The following MACROD2 variants were observed in gnomAD, a reference collection of about 807,000 sequenced individuals.
MACROD2 encodes the protein mono-ADP ribosylhydrolase 2, also known as ADP-ribose glycohydrolase MACROD2.
A neutral mutation model predicts 70.4 loss-of-function variants in MACROD2; 36 were observed. The ratio of observed to expected loss-of-function variants is 0.51; its 90% CI spans 0.39 to 0.68. The LOEUF (loss-of-function observed/expected upper bound fraction) is 0.68. MACROD2 is among the 30% of genes least tolerant of loss of function. The probability of loss-of-function intolerance (pLI) is 0.00; values close to 1 mark genes in which losing one functional copy is unlikely to be tolerated. For synonymous variants in MACROD2, 172 were observed against 178.8 expected (o/e 0.96, Z 0.30); for missense variants, 496 against 538.4 (o/e 0.92, Z 0.78).
chr20:15,453,810 G>T (rs2046677588), intron 7 of MACROD2, among the ~76,000 whole-genome samples: 1 of 152,122 alleles, frequency 6.6e-6, no homozygotes, highest in African/African-American at 2.4e-5. Flanking sequence ...CCCAGCAAGT[G>T]TCTGGTCTGA....
intron 4 of MACROD2, among the ~76,000 whole-genome samples, chr20:14,556,543 G>A (rs1333455176): frequency 6.6e-6 from 1 of 151,952 alleles, no homozygotes; most frequent in African/African-American, 2.4e-5. Flanking sequence ...AAAATTTTTG[G>A]CAGTATCTGC....
At chr20:14,894,884 C>T (rs2073809512) in intron 5 of MACROD2, 1 of 152,082 alleles carries the variant, frequency 6.6e-6, no homozygotes, top group Non-Finnish European at 1.5e-5. Context: ...AATATATTAA[C>T]ATGTTTGGGA....
intron 8 of MACROD2, among the ~76,000 whole-genome samples, chr20:15,681,902 T>C (rs976371922): frequency 6.6e-6 from 1 of 152,202 alleles, no homozygotes; most frequent in Non-Finnish European, 1.5e-5. Flanking sequence ...TTAGACATTA[T>C]TTTGTACCTT....
chr20:14,782,018 G>C (rs1366112926), intron 5 of MACROD2, among the ~76,000 whole-genome samples: 3 of 151,836 alleles, frequency 2.0e-5, no homozygotes, highest in African/African-American at 7.3e-5. Flanking sequence ...CCGCCTCCCG[G>C]GTTCAAGTGA....
intron 8 of MACROD2, among the ~76,000 whole-genome samples, chr20:15,594,997 T>G (rs1355288207): frequency 6.6e-6 from 1 of 152,232 alleles, no homozygotes; most frequent in Non-Finnish European, 1.5e-5. Flanking sequence ...TTCCAAACAT[T>G]ACTTCATTGT....
At chr20:14,449,045 G>A (rs755746485) in intron 3 of MACROD2, among the ~76,000 whole-genome samples, 1 of 152,038 alleles carries the variant, frequency 6.6e-6, no homozygotes, top group Non-Finnish European at 1.5e-5. Flanking sequence ...GGTTCTAGTT[G>A]AAGAAACTGA....
At chr20:14,700,417 TA>T (rs1478379392) in intron 5 of MACROD2, among the ~76,000 whole-genome samples, 2 of 151,614 alleles carry the variant, frequency 1.3e-5, no homozygotes, top group Admixed American at 1.3e-4. Context: ...TAGCAAAAGG[TA>T]AAAAAAAGTT....
chr20:14,726,745 T>A (rs2071534777), intron 5 of MACROD2, among the ~76,000 whole-genome samples: 2 of 151,624 alleles, frequency 1.3e-5, no homozygotes, highest in Admixed American at 6.6e-5. Flanking sequence ...AAGTAGGGAT[T>A]CAAACCCAGG....
intron 4 of MACROD2, among the ~76,000 whole-genome samples, chr20:14,582,146 C>T (rs6042798): frequency 0.26 from 38,902 of 151,966 alleles, 5,311 homozygotes; most frequent in African/African-American, 0.29. Context: ...TGCACAAGTC[C>T]TCATCTCAAG....
intron 6 of MACROD2, among the ~76,000 whole-genome samples, chr20:15,349,528 G>C (rs545337797): frequency 2.6e-5 from 4 of 152,082 alleles, no homozygotes; most frequent in Non-Finnish European, 5.9e-5. Context: ...AGGCCAAGGT[G>C]GGTGGATCAC....
chr20:14,786,025 A>G (rs2072366603), intron 5 of MACROD2, among the ~76,000 whole-genome samples: 1 of 152,120 alleles, frequency 6.6e-6, no homozygotes, highest in African/African-American at 2.4e-5. Context: ...TATTATAAAA[A>G]GAAGGGAAGA....
intron 3 of MACROD2, among the ~76,000 whole-genome samples, chr20:14,215,337 T>TACACACACACACACACAC (rs199684417): frequency 1.5e-5 from 2 of 131,044 alleles, no homozygotes; most frequent in African/African-American, 2.9e-5. Context: ...CCATCATATA[T>TACACACACACACACACAC]ACACACACAC....
intron 8 of MACROD2, among the ~76,000 whole-genome samples, chr20:15,509,624 G>A (rs1855798633): frequency 1.3e-5 from 2 of 152,338 alleles, no homozygotes; most frequent in South Asian, 2.1e-4. Context: ...GGGAATTGTG[G>A]CTCCTAGAAG....
chr20:15,801,201 A>AGG (rs1555781108), intron 8 of MACROD2, among the ~76,000 whole-genome samples: 155 of 98,196 alleles, frequency 1.6e-3, no homozygotes, highest in African/African-American at 5.4e-3. Context: ...AAAAAAAAAA[A>AGG]AAACGAAAAA....
intron 5 of MACROD2, among the ~76,000 whole-genome samples, chr20:15,188,758 GT>G (rs1354567023): frequency 6.6e-6 from 1 of 152,142 alleles, no homozygotes; most frequent in Admixed American, 6.5e-5. Flanking sequence ...GGGAATATGA[GT>G]TTTTTGACCT....
intron 5 of MACROD2, chr20:15,021,572 C>T (rs1284151860): frequency 6.6e-6 from 1 of 151,510 alleles, no homozygotes; most frequent in Non-Finnish European, 1.5e-5. Flanking sequence ...GAATGCTTCA[C>T]AAGTTTCCAT....
At chr20:15,579,297 T>A (rs950319800) in intron 8 of MACROD2, among the ~76,000 whole-genome samples, 4 of 137,836 alleles carry the variant, frequency 2.9e-5, no homozygotes, top group African/African-American at 1.3e-4. Context: ...TATCAAATTG[T>A]CCCAAAGAGT....
At chr20:14,369,005 G>A (rs993823594) in intron 3 of MACROD2, among the ~76,000 whole-genome samples, 7 of 152,106 alleles carry the variant, frequency 4.6e-5, no homozygotes, top group Admixed American at 6.5e-5. Flanking sequence ...TTTTATTAGC[G>A]AGCATGGGCA....
At chr20:15,497,064 C>T (rs1238505162) in intron 7 of MACROD2, among the ~76,000 whole-genome samples, 2 of 152,024 alleles carry the variant, frequency 1.3e-5, no homozygotes, top group Non-Finnish European at 1.5e-5. Context: ...CAGGGGAGTC[C>T]GTCAAACATG....
Sources: gnomAD v4.1 joint callset for allele counts (sites outside exome capture counted in the v4.1 genomes callset) on GRCh38, gnomAD v4.1.1 for gene constraint, MANE v1.5 for transcripts, NCBI Gene and HGNC (gene_info 2026-07-23, HGNC 2026-07-21) for gene names.